The following PDZRN4 variants were observed in gnomAD, a reference collection of about 807,000 sequenced individuals.
The protein encoded by PDZRN4 is PDZ domain-containing RING finger protein 4.
PDZRN4 carries 70 observed loss-of-function variants against 99.0 expected under a neutral mutation model. That is an observed-to-expected ratio of 0.71 (90% CI 0.58 to 0.86). PDZRN4 has a LOEUF of 0.86. PDZRN4 is among the 40% of genes least tolerant of loss of function. The pLI is 0.00. For synonymous variants in PDZRN4, 551 were observed against 501.6 expected (o/e 1.10, Z -1.32); for missense variants, 1,474 against 1,331.2 (o/e 1.11, Z -1.67).
chr12:41,208,586 A>G (rs2120686589), intron 3 of PDZRN4, among the ~76,000 whole-genome samples: 1 of 152,100 alleles, frequency 6.6e-6, no homozygotes, highest in African/African-American at 2.4e-5. Context: ...TATCATCTCT[A>G]CTATATCCAG....
chr12:41,290,877 T>G (rs1166226241), intron 3 of PDZRN4, among the ~76,000 whole-genome samples: 6 of 152,128 alleles, frequency 3.9e-5, no homozygotes, highest in Non-Finnish European at 7.4e-5. Context: ...TACAATTTTC[T>G]ATGTCTAAGT....
intron 5 of PDZRN4, among the ~76,000 whole-genome samples, chr12:41,519,708 A>G (rs565071270): frequency 6.6e-6 from 1 of 152,168 alleles, no homozygotes; most frequent in African/African-American, 2.4e-5. Context: ...GGCCTAAAGA[A>G]CAATTTCATG....
At chr12:41,372,734 T>C (rs1952050711) in intron 3 of PDZRN4, among the ~76,000 whole-genome samples, 1 of 152,110 alleles carries the variant, frequency 6.6e-6, no homozygotes, top group Non-Finnish European at 1.5e-5. Flanking sequence ...AGAGGCTAAA[T>C]CATGAAAGAT....
rs560754168 is a variant in PDZRN4 at position 41,547,978 on chromosome 12, C to G, written c.1204-4678C>G. Among the ~76,000 whole-genome samples, 17 of 152,152 alleles carry G rather than the reference C, an allele frequency of 1.1e-4. No individual in the cohort carries two copies. In the South Asian group the frequency reaches 3.5e-3, roughly 32 times the overall value. On this transcript the variant is annotated intron_variant, in intron 5 of 9. Transcript: ENST00000402685. Reference sequence around the variant, plus strand: ...TGGGAAATTGGAGGTTAAAAGTTGCCCATATTTCAGAAGACCATTGAAAAA... The same window carrying G: ...TGGGAAATTGGAGGTTAAAAGTTGCGCATATTTCAGAAGACCATTGAAAAA...
chr12:41,192,350 C>G (rs2405771), intron 2 of PDZRN4, among the ~76,000 whole-genome samples: 13,577 of 152,096 alleles, frequency 0.089, 803 homozygotes, highest in African/African-American at 0.17. Context: ...ATCCACCTCC[C>G]TCACCTCCCA....
At chr12:41,384,123 G>A (rs1952147894) in intron 3 of PDZRN4, among the ~76,000 whole-genome samples, 1 of 151,394 alleles carries the variant, frequency 6.6e-6, no homozygotes, top group African/African-American at 2.4e-5. Context: ...TAGAGACTAA[G>A]CTTTTCTGAC....
intron 3 of PDZRN4, among the ~76,000 whole-genome samples, chr12:41,474,509 T>A (rs1953021931): frequency 6.6e-6 from 1 of 152,198 alleles, no homozygotes; most frequent in African/African-American, 2.4e-5. Context: ...CTCAAAGTCT[T>A]ACAGTTTGTA....
At chr12:41,248,661 T>C (rs1951149183) in intron 3 of PDZRN4, among the ~76,000 whole-genome samples, 1 of 152,166 alleles carries the variant, frequency 6.6e-6, no homozygotes, top group Admixed American at 6.5e-5. Flanking sequence ...TTGACATATA[T>C]TGTGAGCTCT....
chr12:41,413,569 C>T (rs140071478), intron 3 of PDZRN4, among the ~76,000 whole-genome samples: 127 of 152,178 alleles, frequency 8.3e-4, no homozygotes, highest in African/African-American at 3.1e-3. Context: ...GACGGACGTG[C>T]TAATTATCCT....
At chr12:41,285,548 A>G (rs1951417162) in intron 3 of PDZRN4, among the ~76,000 whole-genome samples, 1 of 152,220 alleles carries the variant, frequency 6.6e-6, no homozygotes, top group Non-Finnish European at 1.5e-5. Context: ...ATAAAGATAC[A>G]TGCACATGTA....
At chr12:41,237,303 C>T (rs7963760) in intron 3 of PDZRN4, among the ~76,000 whole-genome samples, 90,641 of 151,708 alleles carry the variant, frequency 0.6, 27,306 homozygotes, top group Middle Eastern at 0.69. Context: ...AGTTTTTTCT[C>T]ATAAAATGGA....
rs182456272 is a variant in PDZRN4 at position 41,354,651 on chromosome 12, G to A, written c.844-151805G>A. On this transcript the variant is annotated intron_variant, in intron 3 of 9. Coordinates refer to ENST00000402685, the MANE Select transcript of PDZRN4 (RefSeq NM_001164595.2). The stretch of plus-strand genomic sequence containing the variant: ...CACATCCCTGTTTTAATCTCTGGAG[G>A]CCTACCCAGAAGTGAGGAAGGCTAT... 1.8e-3 allele frequency among the ~76,000 whole-genome samples: 271 copies of A among 152,156 alleles called. 2 individuals are homozygous for A. The highest frequency in any genetic ancestry group is 5.2e-3 in the East Asian group (27 of 5,154).
At chr12:41,541,065 C>T (rs894055509) in intron 5 of PDZRN4, among the ~76,000 whole-genome samples, 1 of 152,032 alleles carries the variant, frequency 6.6e-6, no homozygotes, top group Non-Finnish European at 1.5e-5. Flanking sequence ...GCTGGGACTA[C>T]AGGCACCCAC....
chr12:41,476,621 CTTTG>C (rs1953045363), intron 3 of PDZRN4, among the ~76,000 whole-genome samples: 1 of 152,276 alleles, frequency 6.6e-6, no homozygotes, highest in South Asian at 2.1e-4. Flanking sequence ...ACTCTAAGAG[CTTTG>C]TTTGTTGTAT....
At chr12:41,238,807 AAAC>A (rs1951085165) in intron 3 of PDZRN4, among the ~76,000 whole-genome samples, 1 of 152,216 alleles carries the variant, frequency 6.6e-6, no homozygotes, top group African/African-American at 2.4e-5. Context: ...TAAAATAAAA[AAAC>A]AACAGATGCT....
intron 3 of PDZRN4, among the ~76,000 whole-genome samples, chr12:41,211,036 G>A (rs908266138): frequency 1.3e-5 from 2 of 151,876 alleles, no homozygotes; most frequent in African/African-American, 4.8e-5. Flanking sequence ...TCTACACAAT[G>A]CCAGAGAATA....
intron 3 of PDZRN4, among the ~76,000 whole-genome samples, chr12:41,491,125 C>T (rs1937878108): frequency 6.6e-6 from 1 of 152,084 alleles, no homozygotes. Flanking sequence ...TACTGCATGC[C>T]CATTTTATCC....
At chr12:41,541,753 C>T (rs527717251) in intron 5 of PDZRN4, among the ~76,000 whole-genome samples, 8 of 152,214 alleles carry the variant, frequency 5.3e-5, no homozygotes, top group Admixed American at 5.2e-4. Flanking sequence ...ACGCCCGGCC[C>T]TTCTAGACCT....
Position 41,480,601 on chromosome 12 carries a change from G to A in PDZRN4, c.844-25855G>A, listed in dbSNP as rs1051196422. Among the ~76,000 whole-genome samples the A allele has an allele frequency of 7.9e-5, 12 of 152,174 alleles. No homozygotes were observed. The South Asian group carries it at 1.5e-3, about 18-fold the overall frequency. ...TGAAGCTTGAAGGAATATAATAAACGAAAACATATAAACAAATCAACATTG... is the reference window on the plus strand; with the variant it reads ...TGAAGCTTGAAGGAATATAATAAACAAAAACATATAAACAAATCAACATTG... On this transcript the variant is annotated intron_variant, in intron 3 of 9. Transcript: ENST00000402685.
Sources: allele counts gnomAD v4.1 joint callset (sites outside exome capture counted in the v4.1 genomes callset), GRCh38; gene constraint gnomAD v4.1.1; transcripts MANE v1.5; gene names NCBI Gene and HGNC (gene_info 2026-07-23, HGNC 2026-07-21).